BCAR3: variants seen among roughly 807,000 people sequenced by gnomAD.
The protein encoded by BCAR3 is BCAR3 adaptor protein, NSP family member.
Under a neutral mutation model 80.1 loss-of-function variants are expected in BCAR3, and 37 were observed. The ratio of observed to expected loss-of-function variants is 0.46; its 90% CI spans 0.36 to 0.61. The LOEUF (loss-of-function observed/expected upper bound fraction) is 0.61, where lower values mean the gene tolerates loss of function less well. Ranked by LOEUF, BCAR3 falls within the 20% of genes least tolerant of loss-of-function variation. BCAR3 has a pLI of 0.00. For missense variants in BCAR3, 978 were observed against 1,068.2 expected (o/e 0.92, Z 1.18); for synonymous variants, 389 against 418.9 (o/e 0.93, Z 0.87).
At chr1:93,649,759 T>C (rs1216460639) in intron 2 of BCAR3, among the ~76,000 whole-genome samples, 3 of 151,462 alleles carry the variant, frequency 2.0e-5, no homozygotes, top group African/African-American at 4.9e-5. Flanking sequence ...TTAAATCATA[T>C]CTGGATTTCA....
rs1652572273 is a variant in BCAR3, at chr1:93,776,963, A to G, written c.-63+68604T>C. Among the ~76,000 whole-genome samples the G allele has an allele frequency of 2.6e-5, 4 of 152,152 alleles. No individual in the cohort carries two copies. In the South Asian group the frequency reaches 8.3e-4, roughly 32 times the overall value. On this transcript the variant is annotated intron_variant, in intron 2 of 13. Coordinates refer to the BCAR3 transcript ENST00000370244. ...GGGTTCTTACAGATGGAATCAGGTT[A>G]AAATGAGGTCATACTGGATTAGGGT...
intron 2 of BCAR3, among the ~76,000 whole-genome samples, chr1:93,822,343 A>C (rs1557699899): frequency 7.0e-6 from 1 of 142,876 alleles, no homozygotes; most frequent in African/African-American, 2.6e-5. Context: ...CGCATGGCTA[A>C]TTTTTTTTTT....
At chr1:93,700,860 G>A (rs551632707) in intron 3 of BCAR3, among the ~76,000 whole-genome samples, 70 of 152,378 alleles carry the variant, frequency 4.6e-4, no homozygotes, top group African/African-American at 1.4e-3. Context: ...GAAGCAGATT[G>A]CTCTGAGCTA....
Position 93,823,470 on chromosome 1 carries a change from TC to T in BCAR3, c.-63+22096del, listed in dbSNP as rs142293997. Among the ~76,000 whole-genome samples, 421 of 133,614 alleles carry T rather than the reference TC, an allele frequency of 3.2e-3. 43 individuals are homozygous for T. The highest frequency in any genetic ancestry group is 1.0e-2 in the African/African-American group (396 of 39,756). The allele number at this position is 133,614 out of a possible 152,430, so 87.7% of individuals were successfully genotyped here. On this transcript the variant is annotated intron_variant, in intron 2 of 13. Transcript: ENST00000370244. ...TATCTGCCCTCTGCAATCTTCCTTT[TC>T]CCTTCCACTCCTGAAGGGATTATTG...
chr1:93,773,285 T>C (rs1327581654), intron 2 of BCAR3, among the ~76,000 whole-genome samples: 1 of 152,194 alleles, frequency 6.6e-6, no homozygotes, highest in Non-Finnish European at 1.5e-5. Context: ...ATTGTGGCAC[T>C]TGACAATGTC....
intron 11 of BCAR3, among the ~76,000 whole-genome samples, chr1:93,564,911 G>A (rs1672880523): frequency 6.6e-6 from 1 of 152,194 alleles, no homozygotes; most frequent in Non-Finnish European, 1.5e-5. Flanking sequence ...TTTAAAGAGA[G>A]AGAAGCCTCT....
chr1:93,639,538 G>A (rs531093335), intron 3 of BCAR3, among the ~76,000 whole-genome samples: 42 of 147,852 alleles, frequency 2.8e-4, no homozygotes, highest in Non-Finnish European at 5.0e-4. Context: ...GTGCAATCGT[G>A]CGACTTCAGC....
Position 93,780,253 on chromosome 1 carries a change from T to C in BCAR3, c.-63+65314A>G, listed in dbSNP as rs148350627. 3.1e-3 allele frequency among the ~76,000 whole-genome samples: 477 copies of C among 152,342 alleles called. 1 individual carries two copies. Among genetic ancestry groups the C allele is most frequent in the African/African-American group, 0.011 (465 of 41,588 alleles). On this transcript the variant is annotated intron_variant, in intron 2 of 13. Coordinates refer to the BCAR3 transcript ENST00000370244. ...TGATACTTTGCTCAACTCTCCTTTG[T>C]ACAAATGATCTTTGATTCTTATGCC...
chr1:93,761,846 C>T (rs1027576112), intron 2 of BCAR3, among the ~76,000 whole-genome samples: 10 of 152,164 alleles, frequency 6.6e-5, no homozygotes, highest in Non-Finnish European at 1.3e-4. Context: ...CCATTGATTA[C>T]ATCAATAGCA....
At chr1:93,714,051 C>T (rs1042789619) in intron 2 of BCAR3, among the ~76,000 whole-genome samples, 14 of 152,134 alleles carry the variant, frequency 9.2e-5, no homozygotes, top group African/African-American at 2.9e-4. Context: ...GGTGCGATCT[C>T]AGCTCACTGC....
At chr1:93,681,116 T>A (rs1252099808) in intron 1 of BCAR3, 3 of 152,238 alleles carry the variant, frequency 2.0e-5, no homozygotes, top group Non-Finnish European at 4.4e-5. Flanking sequence ...CCGGAGAAAC[T>A]CGCCTCCTCG....
At chr1:93,807,932 G>C (rs1291421432) in intron 2 of BCAR3, among the ~76,000 whole-genome samples, 1 of 151,724 alleles carries the variant, frequency 6.6e-6, no homozygotes, top group South Asian at 2.1e-4. Flanking sequence ...CTACTTGACA[G>C]TGAAATTGGG....
At chr1:93,813,014 C>T (rs901653106) in intron 2 of BCAR3, among the ~76,000 whole-genome samples, 2 of 152,158 alleles carry the variant, frequency 1.3e-5, no homozygotes. Context: ...AGCAGTCTTA[C>T]CTTTTGGAAG....
intron 2 of BCAR3, among the ~76,000 whole-genome samples, chr1:93,708,032 G>C (rs1165760308): frequency 6.6e-6 from 1 of 152,162 alleles, no homozygotes; most frequent in Non-Finnish European, 1.5e-5. Context: ...TGCCAGCATA[G>C]ACAGGAGGGG....
chr1:93,702,163 C>T (rs921392561), intron 3 of BCAR3, among the ~76,000 whole-genome samples: 1 of 152,184 alleles, frequency 6.6e-6, no homozygotes, highest in Admixed American at 6.5e-5. Flanking sequence ...TTCATGCCCC[C>T]AAGCACAGCA....
At chr1:93,580,289 A>AC (rs1406190576) in intron 7 of BCAR3, among the ~76,000 whole-genome samples, 1 of 152,068 alleles carries the variant, frequency 6.6e-6, no homozygotes, top group Non-Finnish European at 1.5e-5. Flanking sequence ...AGGAAGGAAA[A>AC]CCCAGTTCCT....
At chr1:93,649,760 C>T (rs1676264306) in intron 2 of BCAR3, among the ~76,000 whole-genome samples, 1 of 151,470 alleles carries the variant, frequency 6.6e-6, no homozygotes, top group Non-Finnish European at 1.5e-5. Flanking sequence ...TAAATCATAT[C>T]TGGATTTCAA....
chr1:93,748,034 T>C (rs1651417066), intron 2 of BCAR3, among the ~76,000 whole-genome samples: 1 of 152,218 alleles, frequency 6.6e-6, no homozygotes, highest in Non-Finnish European at 1.5e-5. Context: ...TCTGCTTCCC[T>C]GAGCCCTGGA....
intron 1 of BCAR3, 103 bp from the exon 2 acceptor site, chr1:93,675,044 A>C: frequency 1.0e-6 from 1 of 960,548 alleles, no homozygotes; most frequent in Non-Finnish European, 1.5e-6. Context: ...AAAATGAAAT[A>C]TTCACAGACC....
Sources: allele counts gnomAD v4.1 joint callset (sites outside exome capture counted in the v4.1 genomes callset), GRCh38; gene constraint gnomAD v4.1.1; transcripts MANE v1.5; gene names NCBI Gene and HGNC (gene_info 2026-07-23, HGNC 2026-07-21).